Variants in CLNK observed in about 807,000 individuals in gnomAD.
CLNK encodes cytokine dependent hematopoietic cell linker.
A neutral mutation model predicts 68.6 loss-of-function variants in CLNK; 74 were observed. That is an observed-to-expected ratio of 1.08 (90% CI 0.89 to 1.31). CLNK has a LOEUF of 1.31. Ranked by LOEUF, CLNK falls within the 50% of genes most tolerant of loss-of-function variation. The probability of loss-of-function intolerance (pLI) is 0.00; values close to 1 mark genes in which losing one functional copy is unlikely to be tolerated. For missense variants in CLNK, 553 were observed against 515.3 expected (o/e 1.07, Z -0.71); for synonymous variants, 198 against 172.2 (o/e 1.15, Z -1.17).
intron 2 of CLNK, among the ~76,000 whole-genome samples, chr4:10,620,427 A>G (rs1353538283): frequency 6.6e-6 from 1 of 152,156 alleles, no homozygotes; most frequent in Non-Finnish European, 1.5e-5. Flanking sequence ...CTTAACTGTC[A>G]AACAATCGTC....
In CLNK at chr4:10,586,144, C is replaced by T. The variant is rs187568983; in HGVS notation, c.84-1189G>A. On this transcript the variant is annotated intron_variant, in intron 3 of 18. Transcript: ENST00000226951. ...GCGATAATGCTTGCTTGTCCACTGC[C>T]CACCTCCTGCTGTGCCCAGTTCCTA... is the stretch of plus-strand genomic sequence containing the variant. 5.6e-5 allele frequency among the ~76,000 whole-genome samples: 8 copies of T among 143,186 alleles called. No homozygotes were observed. The East Asian group carries it at 1.6e-3, about 28-fold the overall frequency. The allele number at this position is 143,186 out of a possible 152,430, so 93.9% of individuals were successfully genotyped here. A position where few individuals can be genotyped will look rare whatever the true frequency, so the allele number is the denominator to read the frequency against.
intron 2 of CLNK, among the ~76,000 whole-genome samples, chr4:10,665,483 G>A (rs1427907582): frequency 1.3e-5 from 2 of 152,020 alleles, no homozygotes; most frequent in African/African-American, 4.8e-5. Flanking sequence ...GGCTAACATG[G>A]TGAAACCCTG....
chr4:10,596,022 A>G (rs1721370079), intron 3 of CLNK, among the ~76,000 whole-genome samples: 1 of 152,122 alleles, frequency 6.6e-6, no homozygotes, highest in African/African-American at 2.4e-5. Flanking sequence ...ACTTTTTCAA[A>G]TACCATTTGT....
At chr4:10,608,925 G>A (rs990255558) in intron 2 of CLNK, among the ~76,000 whole-genome samples, 1 of 152,072 alleles carries the variant, frequency 6.6e-6, no homozygotes, top group Non-Finnish European at 1.5e-5. Context: ...GTATCCTCAC[G>A]TGGCCAAAAA....
At chr4:10,615,022 C>A (rs1328774927) in intron 2 of CLNK, among the ~76,000 whole-genome samples, 1 of 152,020 alleles carries the variant, frequency 6.6e-6, no homozygotes, top group Non-Finnish European at 1.5e-5. Flanking sequence ...GCCATCTCTA[C>A]TAAAAATACA....
intron 17 of CLNK, among the ~76,000 whole-genome samples, chr4:10,506,474 G>A (rs994538380): frequency 5.3e-5 from 8 of 152,194 alleles, no homozygotes; most frequent in African/African-American, 1.9e-4. Flanking sequence ...TCTTGGGGTT[G>A]TTGCTGCAGC....
At chr4:10,494,411 C>T (rs970987316) in intron 18 of CLNK, among the ~76,000 whole-genome samples, 7 of 151,486 alleles carry the variant, frequency 4.6e-5, no homozygotes, top group African/African-American at 7.3e-5. Flanking sequence ...GTAACTTTAA[C>T]AGGTAGTAGG....
chr4:10,697,536 T>C, the CLNK span: 1 of 152,134 alleles, frequency 6.6e-6, no homozygotes, highest in African/African-American at 2.4e-5. Flanking sequence ...TGGCGATGGA[T>C]GACAGTGTGA....
the CLNK span, among the ~76,000 whole-genome samples, chr4:10,699,260 TGTATACACACACACACACCACATAC>T: frequency 1.1e-4 from 6 of 54,934 alleles, no homozygotes; most frequent in South Asian, 7.8e-4. Context: ...CACGTATGTG[TGTATACACACACACACACCACATAC>T]GTGTATACAC....
At chr4:10,654,930 G>A (rs1469731898) in intron 2 of CLNK, among the ~76,000 whole-genome samples, 1 of 151,820 alleles carries the variant, frequency 6.6e-6, no homozygotes. Flanking sequence ...GGTGAAATCT[G>A]TCTCTACTAA....
At chr4:10,608,635 G>A (rs979782991) in intron 2 of CLNK, among the ~76,000 whole-genome samples, 7 of 152,124 alleles carry the variant, frequency 4.6e-5, no homozygotes, top group African/African-American at 1.2e-4. Flanking sequence ...TAACAATGAC[G>A]AAAATTCTTT....
intron 2 of CLNK, among the ~76,000 whole-genome samples, chr4:10,650,256 A>G (rs971072725): frequency 7.9e-5 from 12 of 152,202 alleles, no homozygotes; most frequent in African/African-American, 1.9e-4. Flanking sequence ...TTGGGAGATG[A>G]AGGCTAAAAC....
At chr4:10,716,967 TACAG>T in the CLNK span, among the ~76,000 whole-genome samples, 312 of 151,736 alleles carry the variant, frequency 2.1e-3, 1 homozygote, top group African/African-American at 7.3e-3. Flanking sequence ...GTGCTGGAGT[TACAG>T]ACAGAAAACT....
chr4:10,720,549 C>G, the CLNK span, among the ~76,000 whole-genome samples: 1 of 151,384 alleles, frequency 6.6e-6, no homozygotes, highest in African/African-American at 2.4e-5. Context: ...TCCCTACATA[C>G]CTATTAGAAT....
intron 2 of CLNK, among the ~76,000 whole-genome samples, chr4:10,619,644 G>T (rs1722355317): frequency 6.6e-6 from 1 of 152,026 alleles, no homozygotes; most frequent in Non-Finnish European, 1.5e-5. Flanking sequence ...AAAGGAAAAG[G>T]GACATTCAGT....
At position 10,488,462 on chromosome 4, in the gene CLNK, C is replaced by T. The variant is rs141233406; in HGVS notation, c.*2005G>A. Reference sequence around the variant, plus strand: ...TGTAAAGTCCTTGTTTCCATACTGTCCCTGGCTTGTTGAATTCCAGTAGAG... The same window carrying T: ...TGTAAAGTCCTTGTTTCCATACTGTTCCTGGCTTGTTGAATTCCAGTAGAG... On this transcript the variant is annotated 3_prime_UTR_variant, in exon 19 of 19. Coordinates refer to ENST00000226951, the MANE Select transcript of CLNK (RefSeq NM_052964.4). 2.6e-5 allele frequency: 4 copies of T among 152,360 alleles called. No individual in the cohort carries two copies. The highest frequency in any genetic ancestry group is 2.1e-4 in the South Asian group (1 of 4,828). The allele number at this position is 152,360 out of a possible 1,614,324, so 9.4% of individuals were successfully genotyped here.
chr4:10,665,561 G>T (rs546529589), intron 2 of CLNK, among the ~76,000 whole-genome samples: 2 of 150,656 alleles, frequency 1.3e-5, no homozygotes, highest in Middle Eastern at 3.4e-3. Flanking sequence ...CTACTCGGGA[G>T]TCTGAGGTAG....
chr4:10,545,477 C>A (rs530842499), intron 8 of CLNK, among the ~76,000 whole-genome samples: 2 of 152,142 alleles, frequency 1.3e-5, no homozygotes, highest in Non-Finnish European at 2.9e-5. Context: ...GGACACCCCA[C>A]CCCTATAGCT....
intron 7 of CLNK, among the ~76,000 whole-genome samples, chr4:10,562,101 C>CTTTTTTTTTTTT (rs11345903): frequency 2.5e-4 from 32 of 129,240 alleles, no homozygotes; most frequent in Non-Finnish European, 2.7e-4. Context: ...TTTTTCTTTT[C>CTTTTTTTTTTTT]TTTTTTTTTT....
Sources: allele counts gnomAD v4.1 joint callset (sites outside exome capture counted in the v4.1 genomes callset), GRCh38; gene constraint gnomAD v4.1.1; transcripts MANE v1.5; gene names NCBI Gene and HGNC (gene_info 2026-07-23, HGNC 2026-07-21).